Variants in ANKS1B observed in about 807,000 individuals in gnomAD.
The protein encoded by ANKS1B is ankyrin repeat and sterile alpha motif domain containing 1B, also known as ankyrin repeat and sterile alpha motif domain-containing protein 1B.
In ANKS1B, 36 loss-of-function variants were observed where a neutral mutation model predicts 148.3. The observed-to-expected ratio is 0.24, with a 90% CI of 0.19 to 0.32. The LOEUF (loss-of-function observed/expected upper bound fraction) is 0.32, where lower values mean the gene tolerates loss of function less well. Ranked by LOEUF, ANKS1B falls within the 10% of genes least tolerant of loss-of-function variation. The pLI is 1.00. For synonymous variants in ANKS1B, 542 were observed against 560.8 expected, an observed-to-expected ratio of 0.97 and a Z score of 0.47; for missense variants, 1,157 against 1,542.6, an observed-to-expected ratio of 0.75 and a Z score of 4.19.
intron 12 of ANKS1B, among the ~76,000 whole-genome samples, chr12:99,307,123 A>C (rs1191728467): frequency 1.3e-5 from 2 of 152,104 alleles, no homozygotes; most frequent in African/African-American, 4.8e-5. Flanking sequence ...TGCTTATTAG[A>C]CTGAAGGTGG....
chr12:99,716,204 C>A (rs2057305088), intron 8 of ANKS1B, among the ~76,000 whole-genome samples: 1 of 151,836 alleles, frequency 6.6e-6, no homozygotes, highest in Admixed American at 6.6e-5. Context: ...TATTTCCATG[C>A]CCTGACCTCT....
chr12:99,043,659 T>G (rs952431970), intron 17 of ANKS1B, among the ~76,000 whole-genome samples: 1 of 152,232 alleles, frequency 6.6e-6, no homozygotes, highest in African/African-American at 2.4e-5. Context: ...TTTACAAAAA[T>G]AGGTAAACTA....
chr12:99,980,168 T>C (rs1371632520), intron 1 of ANKS1B, among the ~76,000 whole-genome samples: 2 of 149,986 alleles, frequency 1.3e-5, no homozygotes, highest in African/African-American at 4.9e-5. Context: ...AAAAAAAAAA[T>C]ACCAGGAAAT....
intron 17 of ANKS1B, among the ~76,000 whole-genome samples, chr12:98,902,108 G>C (rs941742650): frequency 6.6e-6 from 1 of 152,138 alleles, no homozygotes. Flanking sequence ...AGGCAAGCAG[G>C]CTTGGAATCC....
intron 3 of ANKS1B, 87 bp from the exon 4 acceptor site, chr12:99,806,787 C>T (rs891689374): frequency 8.4e-6 from 10 of 1,196,792 alleles, no homozygotes; most frequent in African/African-American, 6.1e-5. Context: ...ACCTGCAATG[C>T]TTTGAAATGT....
At chr12:99,515,187 TTTTAG>T (rs1322286040) in intron 9 of ANKS1B, among the ~76,000 whole-genome samples, 1 of 152,018 alleles carries the variant, frequency 6.6e-6, no homozygotes, top group Non-Finnish European at 1.5e-5. Context: ...AATTATACCC[TTTTAG>T]TTATCTTAAA....
chr12:99,576,133 AT>A (rs1246311380), intron 9 of ANKS1B, among the ~76,000 whole-genome samples: 1 of 152,120 alleles, frequency 6.6e-6, no homozygotes, highest in Non-Finnish European at 1.5e-5. Context: ...TAAACCAACA[AT>A]GATCAAAAGG....
chr12:99,638,099 T>A (rs1179090188), intron 9 of ANKS1B, among the ~76,000 whole-genome samples: 1 of 152,070 alleles, frequency 6.6e-6, no homozygotes, highest in African/African-American at 2.4e-5. Flanking sequence ...AAGAAGAACA[T>A]ATTTGTTTCC....
Position 99,409,702 on chromosome 12 carries a change from G to A in ANKS1B, c.1576-9891C>T, listed in dbSNP as rs557849552. Among the ~76,000 whole-genome samples the A allele has an allele frequency of 5.3e-5, 8 of 152,052 alleles. No homozygotes were observed. In the South Asian group the frequency reaches 1.7e-3, roughly 32 times the overall value. ...ATCTATGTGGAGAAATGGAATAACA[G>A]CAATGGGAGAAAAGAATAAAGAGAT... On this transcript the variant is annotated intron_variant, in intron 11 of 26. Transcript: ENST00000683438.
intron 9 of ANKS1B, among the ~76,000 whole-genome samples, chr12:99,592,240 C>T (rs763061515): frequency 3.3e-5 from 5 of 152,038 alleles, no homozygotes; most frequent in South Asian, 2.1e-4. Flanking sequence ...CTAAAGCACA[C>T]GAAATGCTCT....
intron 1 of ANKS1B, among the ~76,000 whole-genome samples, chr12:99,862,143 A>C (rs1159771164): frequency 2.6e-5 from 4 of 152,230 alleles, no homozygotes; most frequent in African/African-American, 9.6e-5. Context: ...AGGAGACTAA[A>C]AAGATTTTCT....
intron 17 of ANKS1B, among the ~76,000 whole-genome samples, chr12:98,911,607 A>T (rs2152840794): frequency 6.6e-6 from 1 of 152,296 alleles, no homozygotes; most frequent in East Asian, 1.9e-4. Flanking sequence ...GGGCCACTGG[A>T]TTCATGCCAA....
At chr12:99,164,607 C>T (rs1311356930) in intron 14 of ANKS1B, among the ~76,000 whole-genome samples, 1 of 151,742 alleles carries the variant, frequency 6.6e-6, no homozygotes, top group East Asian at 1.9e-4. Flanking sequence ...CAATTATTTC[C>T]CTCTCAAAAA....
Position 99,864,979 on chromosome 12 carries a change from G to A in ANKS1B, c.135-39590C>T, listed in dbSNP as rs146806309. On this transcript the variant is annotated intron_variant, in intron 1 of 26. Transcript: ENST00000683438. The stretch of plus-strand genomic sequence containing the variant: ...AGGGTGACCTCACAGTTTATGCCTC[G>A]TAACGTTTGCCTAGTGATCTTTTCC... Among the ~76,000 whole-genome samples, 103 of 152,250 alleles carry A rather than the reference G, an allele frequency of 6.8e-4. 1 individual carries two copies. The highest frequency in any genetic ancestry group is 2.4e-3 in the African/African-American group (98 of 41,544).
chr12:99,960,742 A>T (rs1379010542), intron 1 of ANKS1B, among the ~76,000 whole-genome samples: 2 of 152,190 alleles, frequency 1.3e-5, no homozygotes, highest in Non-Finnish European at 1.5e-5. Context: ...TAAAATAAAT[A>T]CATATTAAAA....
chr12:99,421,822 G>C (rs1030288007), intron 11 of ANKS1B, among the ~76,000 whole-genome samples: 1 of 152,132 alleles, frequency 6.6e-6, no homozygotes, highest in African/African-American at 2.4e-5. Flanking sequence ...CTTGGTGGGA[G>C]GTGACTGGGT....
chr12:99,256,809 T>C (rs980342328), intron 12 of ANKS1B, among the ~76,000 whole-genome samples: 1 of 152,164 alleles, frequency 6.6e-6, no homozygotes, highest in African/African-American at 2.4e-5. Flanking sequence ...CACAATAATG[T>C]GTCTCACTAT....
At chr12:99,371,905 T>C (rs967369807) in intron 12 of ANKS1B, among the ~76,000 whole-genome samples, 6 of 152,176 alleles carry the variant, frequency 3.9e-5, no homozygotes, top group Non-Finnish European at 7.4e-5. Context: ...TATTCCATAG[T>C]ACTGAAGACA....
intron 9 of ANKS1B, among the ~76,000 whole-genome samples, chr12:99,512,665 T>C (rs2096778181): frequency 1.3e-5 from 2 of 152,184 alleles, no homozygotes; most frequent in South Asian, 4.1e-4. Flanking sequence ...TGGCCACCAA[T>C]GATAGACTGG....
Sources: gnomAD v4.1 joint callset for allele counts (sites outside exome capture counted in the v4.1 genomes callset) on GRCh38, gnomAD v4.1.1 for gene constraint, MANE v1.5 for transcripts, NCBI Gene and HGNC (gene_info 2026-07-23, HGNC 2026-07-21) for gene names.